Variants in TEK observed in about 807,000 individuals in gnomAD.
TEK encodes TEK receptor tyrosine kinase.
Under a neutral mutation model 131.8 loss-of-function variants are expected in TEK, and 43 were observed. The ratio of observed to expected loss-of-function variants is 0.33; its 90% confidence interval spans 0.26 to 0.42. The LOEUF (loss-of-function observed/expected upper bound fraction) is 0.42. Among genes scored for constraint, TEK ranks in the 10% least tolerant of loss-of-function variants. The probability of loss-of-function intolerance (pLI) is 1.00; values close to 1 mark genes in which losing one functional copy is unlikely to be tolerated. For missense variants in TEK, 1,162 were observed against 1,384.4 expected (o/e 0.84, Z 2.55); for synonymous variants, 580 against 491.6 (o/e 1.18, Z -2.38).
chr9:27,123,002 G>A (rs1237426247), intron 1 of TEK, among the ~76,000 whole-genome samples: 4 of 135,736 alleles, frequency 2.9e-5, no homozygotes, highest in Non-Finnish European at 3.1e-5. Flanking sequence ...GCAGTGAGCC[G>A]AGATGGCGCC....
At chr9:27,190,741 T>G in intron 10 of TEK, 51 bp downstream of exon 10, 3 of 1,605,914 alleles carry the variant, frequency 1.9e-6, no homozygotes, top group Non-Finnish European at 2.6e-6. Context: ...ACCAGGAGAA[T>G]TATTTTTCTC....
At chr9:27,220,187 C>A in intron 21 of TEK, 42 bp downstream of exon 21, 1 of 1,598,864 alleles carries the variant, frequency 6.3e-7, no homozygotes, top group South Asian at 1.1e-5. Flanking sequence ...TCTTACCTTC[C>A]CCCTGTGTGT....
rs369547848 is a variant in TEK at position 27,217,884 on chromosome 9, A to G, written c.3062+126A>G. On this transcript the variant is annotated intron_variant, in intron 19 of 22. Transcript: ENST00000380036. ...GGGAACAAAGGTAACTAAAAAGCTCAGGAAATAAATTAGCAGAATAAAGCC... is the reference window on the plus strand; with the variant it reads ...GGGAACAAAGGTAACTAAAAAGCTCGGGAAATAAATTAGCAGAATAAAGCC... 2.5e-4 allele frequency: 212 copies of G among 846,418 alleles called. No individual in the cohort carries two copies. In the African/African-American group the frequency reaches 3.1e-3, roughly 12 times the overall value. The allele number at this position is 846,418 out of a possible 1,614,324, so 52.4% of individuals were successfully genotyped here. A position where few individuals can be genotyped will look rare whatever the true frequency, so the allele number is the denominator to read the frequency against.
At chr9:27,200,744 T>C (rs116955560) in intron 12 of TEK, among the ~76,000 whole-genome samples, 13,357 of 152,216 alleles carry the variant, frequency 0.088, 700 homozygotes, top group South Asian at 0.17. Context: ...CCCAATCATA[T>C]GTTAAAAATA....
intron 1 of TEK, among the ~76,000 whole-genome samples, chr9:27,111,930 G>C (rs140584016): frequency 2.9e-5 from 4 of 135,726 alleles, no homozygotes; most frequent in Non-Finnish European, 6.1e-5. Context: ...ATGGAGTCTC[G>C]CTCTGTCACC....
intron 18 of TEK, among the ~76,000 whole-genome samples, chr9:27,217,317 C>T (rs1360349071): frequency 1.3e-5 from 2 of 152,174 alleles, no homozygotes; most frequent in East Asian, 3.9e-4. Context: ...CCCCAGTTTC[C>T]CTTTTCCACC....
chr9:27,144,483 G>A (rs1384650977), intron 1 of TEK, among the ~76,000 whole-genome samples: 4 of 152,154 alleles, frequency 2.6e-5, no homozygotes, highest in Admixed American at 6.5e-5. Context: ...TAACGAATGC[G>A]CATAGGCCTC....
In TEK at chr9:27,127,721, A is replaced by G. The variant is rs193248880; in HGVS notation, c.52+18079A>G. ...TTGTGGTTTTGATTTGCATTTCTCT[A>G]ATGACCAGTGATGATGAGCATTTTT... On this transcript the variant is annotated intron_variant, in intron 1 of 22. Transcript: ENST00000380036. 1.8e-3 allele frequency among the ~76,000 whole-genome samples: 273 copies of G among 152,274 alleles called. 2 individuals carry two copies. The highest frequency in any genetic ancestry group is 6.4e-3 in the African/African-American group (266 of 41,558).
At chr9:27,203,594 T>C (rs927371) in intron 13 of TEK, among the ~76,000 whole-genome samples, 31,320 of 152,040 alleles carry the variant, frequency 0.21, 3,696 homozygotes, top group Non-Finnish European at 0.27. Context: ...AGGAAAAGTA[T>C]GTGATTTGAG....
chr9:27,219,924 C>T (rs1825993371), intron 20 of TEK, 125 bp from the exon 21 acceptor site: 3 of 947,886 alleles, frequency 3.2e-6, no homozygotes, highest in Non-Finnish European at 5.2e-6. Flanking sequence ...GGGAGGCATG[C>T]AGGATGCTCA....
chr9:27,164,675 A>G (rs1421388061), intron 2 of TEK, among the ~76,000 whole-genome samples: 2 of 152,096 alleles, frequency 1.3e-5, no homozygotes, highest in African/African-American at 4.8e-5. Context: ...GACTACAAGC[A>G]TGTGCTACCA....
intron 5 of TEK, 57 bp from the exon 6 acceptor site, chr9:27,173,165 T>G (rs977797188): frequency 6.2e-7 from 1 of 1,603,206 alleles, no homozygotes; most frequent in Non-Finnish European, 8.5e-7. Context: ...TAAAGAATTA[T>G]GTATTTCAAG....
chr9:27,183,714 G>A, intron 8 of TEK, 104 bp downstream of exon 8: 2 of 1,468,864 alleles, frequency 1.4e-6, no homozygotes, highest in South Asian at 1.1e-5. Flanking sequence ...ATCCTCCTAG[G>A]CTAGTGTGTT....
intron 21 of TEK, among the ~76,000 whole-genome samples, chr9:27,226,975 A>G (rs565277054): frequency 2.0e-5 from 3 of 149,470 alleles, no homozygotes; most frequent in African/African-American, 7.4e-5. Flanking sequence ...AGCAAGAAGC[A>G]TACATACCAT....
chr9:27,205,036 A>G lies in TEK; in HGVS notation c.2335A>G (p.Arg779Gly), dbSNP rs149152469. 3 of 1,614,062 alleles carry G rather than the reference A, an allele frequency of 1.9e-6. No homozygotes were observed. The highest frequency in any genetic ancestry group is 2.2e-5 in the East Asian group (1 of 44,884). The change falls in exon 14 of 23, where the codon AGG (arginine) becomes GGG (glycine). Residue 779 changes from arginine to glycine, a missense_variant. Around this residue, in one of 6 missense-constraint regions of TEK, gnomAD observed 477 missense variants for 471.0 expected, o/e 1.01. Transcript: ENST00000380036. ...ILQLKRANVQ[R>G]RMAQAFQNVR... ...GCAATTGAAGAGGGCAAATGTGCAA[A>G]GGAGAATGGCCCAAGCCTTCCAAAA...
intron 2 of TEK, among the ~76,000 whole-genome samples, chr9:27,162,128 T>C (rs1236313460): frequency 6.6e-6 from 1 of 152,224 alleles, no homozygotes; most frequent in Non-Finnish European, 1.5e-5. Context: ...TTGAGGAAAG[T>C]GAAATCCTTT....
rs1398083589 is a variant in TEK, at chr9:27,197,394, A to G, written c.1704A>G (p.Pro568=). The change falls in exon 12 of 23, where the codon CCA becomes CCG. Residue 568 remains proline (P), a synonymous_variant. Transcript: ENST00000380036. ...ATTTGACCTGGCAACCAATATTTCC[A>G]AGCTCGGAAGATGACTTTTATGTTG... The part of the protein sequence containing the change: ...TLNLTWQPIF[P]SSEDDFYVEV... 6.2e-7 allele frequency: 1 copy of G among 1,614,048 alleles called. No homozygotes were observed. Among genetic ancestry groups the G allele is most frequent in the Admixed American group, 1.7e-5 (1 of 60,002 alleles).
chr9:27,170,564 G>T (rs988453364), intron 4 of TEK, among the ~76,000 whole-genome samples: 1 of 152,096 alleles, frequency 6.6e-6, no homozygotes. Context: ...GGTCGAGGCT[G>T]CAGTGGGCCA....
At chr9:27,228,433 G>T (rs1026944803) in intron 22 of TEK, 128 bp downstream of exon 22, 5 of 751,022 alleles carry the variant, frequency 6.7e-6, no homozygotes, top group African/African-American at 5.2e-5. Context: ...TAGAAACAAA[G>T]GATGTCCCTC....
Sources: gnomAD v4.1 joint callset for allele counts (sites outside exome capture counted in the v4.1 genomes callset) on GRCh38, gnomAD v4.1.1 for gene constraint, gnomAD v4.1.1 regional missense constraint, MANE v1.5 for transcripts, NCBI Gene and HGNC (gene_info 2026-07-23, HGNC 2026-07-21) for gene names.